Variants in RABGGTA observed in about 807,000 individuals in gnomAD.
RABGGTA encodes Rab geranylgeranyltransferase subunit alpha.
A neutral mutation model predicts 83.3 loss-of-function variants in RABGGTA; 69 were observed. The observed-to-expected ratio is 0.83, with a 90% CI of 0.68 to 1.01. The LOEUF (loss-of-function observed/expected upper bound fraction) is 1.01, where lower values mean the gene tolerates loss of function less well. Ranked by LOEUF, RABGGTA falls within the 50% of genes least tolerant of loss-of-function variation. RABGGTA has a pLI of 0.00. For missense variants in RABGGTA, 681 were observed against 712.7 expected, an observed-to-expected ratio of 0.96 and a Z score of 0.51; for synonymous variants, 310 against 299.8, an observed-to-expected ratio of 1.03 and a Z score of -0.35.
At chr14:24,267,008 C>T (rs1483202119) in intron 14 of RABGGTA, 119 bp from the exon 15 acceptor site, 8 of 720,658 alleles carry the variant, frequency 1.1e-5, no homozygotes, top group Admixed American at 4.4e-5. Context: ...GGGACCCCAG[C>T]CAAGAAGAGG....
chr14:24,267,860 C>T lies in RABGGTA; in HGVS notation c.1236+10G>A, dbSNP rs750482140. ...GCCTCCCCCTGGTCTGTTCTGCAGA[C>T]AGAACTTGCCTTGAGGGTCTGGAAG... On this transcript the variant is annotated intron_variant, in intron 13 of 16. Transcript: ENST00000216840. 1.1e-5 allele frequency: 17 copies of T among 1,613,232 alleles called. No individual in the cohort carries two copies. The South Asian group carries it at 1.4e-4, about 14-fold the overall frequency.
At position 24,269,135 on chromosome 14, in the gene RABGGTA, G is replaced by A; in HGVS notation, c.660C>T (p.Phe220=). The A allele has an allele frequency of 1.9e-6, 3 of 1,612,046 alleles. No homozygotes were observed. Among genetic ancestry groups the A allele is most frequent in the East Asian group, 2.2e-5 (1 of 44,864 alleles). Residue 220 remains phenylalanine, a synonymous_variant, in exon 7 of 17, where the codon TTC becomes TTT. Transcript: ENST00000216840. The stretch of plus-strand genomic sequence containing the variant: ...AGGCACTCTGGTCATTGGGGTCAGT[G>A]AAGAAGGCATTCTGCACCAGCTCCA... The part of the protein sequence containing the change: ...KELELVQNAF[F]TDPNDQSAWF...
intron 3 of RABGGTA, 42 bp downstream of exon 3, chr14:24,270,795 A>G: frequency 6.3e-7 from 1 of 1,596,186 alleles, no homozygotes; most frequent in East Asian, 2.3e-5. Flanking sequence ...GCACTATACT[A>G]AGGGAGCTAC....
rs1217347018 is a variant in RABGGTA at position 24,270,160 on chromosome 14, G to GT, written c.240-21_240-20insA. 1.3e-6 allele frequency: 2 copies of GT among 1,592,628 alleles called. No individual in the cohort carries two copies. Among genetic ancestry groups the GT allele is most frequent in the African/African-American group, 1.3e-5 (1 of 74,338 alleles). Reference sequence around the variant, plus strand: ...GGAGACCTGTACCCAGAAGGGAAGGGGGGGGTCAGGGCTCTCCTACAGTCA... The same window carrying GT: ...GGAGACCTGTACCCAGAAGGGAAGGGTGGGGGTCAGGGCTCTCCTACAGTCA... On this transcript the variant is annotated intron_variant, in intron 4 of 16. Transcript: ENST00000216840.
chr14:24,269,495 G>A lies in RABGGTA; in HGVS notation c.627C>T (p.Leu209=), dbSNP rs34861984. ...AGCATCCCTGACCCTGGTTACCTTT[G>A]AGCAGCACATCCTCAGGGAGGCGCC... ...PQGRLPEDVL[L]KELELVQNAF... is the part of the protein sequence containing the mutation. Residue 209 remains leucine, a synonymous_variant, in exon 6 of 17, where the codon CTC becomes CTT. Transcript: ENST00000216840. The A allele has an allele frequency of 3.3e-3, 5,208 of 1,579,280 alleles. 146 individuals carry two copies. The African/African-American group carries it at 0.061, about 19-fold the overall frequency.
At chr14:24,268,675 ACCCAGCCCTGC>A (rs773686718) in intron 9 of RABGGTA, 39 bp downstream of exon 9, 19 of 1,604,140 alleles carry the variant, frequency 1.2e-5, no homozygotes, top group African/African-American at 6.7e-5. Flanking sequence ...TGACTGTCCC[ACCCAGCCCTGC>A]CCCAGACCCC....
At chr14:24,270,532 C>T (rs1030833255) in intron 3 of RABGGTA, 74 bp from the exon 4 acceptor site, 3 of 1,562,034 alleles carry the variant, frequency 1.9e-6, no homozygotes, top group Middle Eastern at 1.7e-4. Flanking sequence ...AAACTTAAAA[C>T]CATCCAATAT....
In RABGGTA at chr14:24,266,382, G is replaced by A. The variant is rs778734124; in HGVS notation, c.1555+48C>T. On this transcript the variant is annotated intron_variant, in intron 16 of 16. Coordinates refer to ENST00000216840, the MANE Select transcript of RABGGTA (RefSeq NM_182836.3). ...CTGCTGTCTGTCCCTTCCCAGGGTG[G>A]CACCTCACTTTACCCACTGTCTGAA... is the stretch of plus-strand genomic sequence containing the variant. 2.6e-6 allele frequency: 4 copies of A among 1,551,244 alleles called. No homozygotes were observed. The Admixed American group carries it at 6.7e-5, about 26-fold the overall frequency.
intron 13 of RABGGTA, 31 bp from the exon 14 acceptor site, chr14:24,267,807 T>G: frequency 6.2e-7 from 1 of 1,610,066 alleles, no homozygotes; most frequent in Non-Finnish European, 8.5e-7. Flanking sequence ...AGGGTATGCA[T>G]GTCAGCTGCC....
At chr14:24,271,036 C>G (rs2040942533) in intron 2 of RABGGTA, 77 bp downstream of exon 2, 1 of 1,590,128 alleles carries the variant, frequency 6.3e-7, no homozygotes, top group African/African-American at 1.3e-5. Flanking sequence ...TAGGTTCATA[C>G]GGGGCAACCA....
Position 24,268,100 on chromosome 14 carries a change from G to A in RABGGTA, c.1147+10C>T. The A allele has an allele frequency of 1.2e-6, 2 of 1,613,674 alleles. No homozygotes were observed. Among genetic ancestry groups the A allele is most frequent in the Non-Finnish European group, 1.7e-6 (2 of 1,179,678 alleles). On this transcript the variant is annotated intron_variant, in intron 12 of 16. Coordinates refer to ENST00000216840, the MANE Select transcript of RABGGTA (RefSeq NM_182836.3). ...CTCTGGGAGCAGACTCTCACGGAAT[G>A]GGGCCTCACATTTATTCTCAGGCTC...
At chr14:24,266,953 C>A in intron 14 of RABGGTA, 64 bp from the exon 15 acceptor site, 2 of 1,228,954 alleles carry the variant, frequency 1.6e-6, no homozygotes, top group South Asian at 2.5e-5. Context: ...GGGTCCTCGG[C>A]CAGCATTTAT....
rs1191462464 is a variant in RABGGTA, at chr14:24,268,424, G to C, written c.1007-4C>G. The C allele has an allele frequency of 6.2e-7, 1 of 1,613,662 alleles. No individual in the cohort carries two copies. Among genetic ancestry groups the C allele is most frequent in the Admixed American group, 1.7e-5 (1 of 60,014 alleles). On this transcript the variant is annotated splice_region_variant and splice_polypyrimidine_tract_variant and intron_variant, in intron 10 of 16. Transcript: ENST00000216840. ...CGGCACCAGCCCTCCTGGCGGCCTG[G>C]GGAAAGAGTAGGTGGTTGGAGGGTG...
Position 24,265,614 on chromosome 14 carries a change from C to T in RABGGTA, c.*1G>A. On this transcript the variant is annotated 3_prime_UTR_variant, in exon 17 of 17. Coordinates refer to ENST00000216840, the MANE Select transcript of RABGGTA (RefSeq NM_182836.3). ...AGGGCAAGGGTAGGGGGCAGGGCCT[C>T]TTAGGTGAGGACGCTGCTAACTGAA... The T allele has an allele frequency of 6.2e-7, 1 of 1,613,322 alleles. No homozygotes were observed. Among genetic ancestry groups the T allele is most frequent in the Non-Finnish European group, 8.5e-7 (1 of 1,179,612 alleles).
rs1264444327 is a variant in RABGGTA at position 24,268,189 on chromosome 14, C to A, written c.1068G>T (p.Leu356=). The A allele has an allele frequency of 6.2e-7, 1 of 1,611,912 alleles. No individual in the cohort carries two copies. Among genetic ancestry groups the A allele is most frequent in the Non-Finnish European group, 8.5e-7 (1 of 1,178,470 alleles). The change falls in exon 12 of 17, where the codon CTG becomes CTT. Residue 356 remains leucine, a synonymous_variant. Coordinates refer to ENST00000216840, the MANE Select transcript of RABGGTA (RefSeq NM_182836.3). ...GCAGCACTGTGGACTTCTCCACTGA[C>A]AGCTCACACCTGAGGGTGGGCAGGG... The part of the protein sequence containing the change: ...TTDEQLFRCE[L]SVEKSTVLQS...
chr14:24,269,698 G>A lies in RABGGTA; in HGVS notation c.428-4C>T. On this transcript the variant is annotated splice_region_variant and splice_polypyrimidine_tract_variant and intron_variant, in intron 5 of 16. Coordinates refer to ENST00000216840, the MANE Select transcript of RABGGTA (RefSeq NM_182836.3). ...CGCCGATAGTCCCAGCAGTGAACTG[G>A]AGGGGAGAGGTGACAGCATATCTTA... is the stretch of plus-strand genomic sequence containing the variant. 6.2e-7 allele frequency: 1 copy of A among 1,613,664 alleles called. No homozygotes were observed. The highest frequency in any genetic ancestry group is 8.5e-7 in the Non-Finnish European group (1 of 1,179,610).
In RABGGTA at chr14:24,269,603, T is replaced by G. The variant is rs764730879; in HGVS notation, c.519A>C (p.Arg173=). The G allele has an allele frequency of 1.5e-5, 24 of 1,613,798 alleles. No homozygotes were observed. The highest frequency in any genetic ancestry group is 2.0e-5 in the Non-Finnish European group (24 of 1,179,734). ...GCCAGGAAGAGTAGTTGGAGAAGTT[T>G]CGGGTGATGAGGCTGTCAGTGAAGG... is the stretch of plus-strand genomic sequence containing the variant. ...ELAFTDSLIT[R]NFSNYSSWHY... Residue 173 remains arginine (R), a synonymous_variant, in exon 6 of 17, where the codon CGA becomes CGC. Coordinates refer to ENST00000216840, the MANE Select transcript of RABGGTA (RefSeq NM_182836.3).
chr14:24,270,029 T>A lies in RABGGTA; in HGVS notation c.351A>T (p.Leu117=). 2 of 1,613,504 alleles carry A rather than the reference T, an allele frequency of 1.2e-6. No homozygotes were observed. The highest frequency in any genetic ancestry group is 1.7e-6 in the Non-Finnish European group (2 of 1,179,718). Residue 117 remains leucine (L), a synonymous_variant, in exon 5 of 17, where the codon CTA becomes CTT. Transcript: ENST00000216840. ...YGTWHHRCWL[L]GRLPEPNWTR... ...TCCAGTTGGGCTCAGGCAGGCGGCCTAGCAGCCAGCATCGGTGGTGCCAGG... is the reference window on the plus strand; with the variant it reads ...TCCAGTTGGGCTCAGGCAGGCGGCCAAGCAGCCAGCATCGGTGGTGCCAGG...
chr14:24,267,002 C>T (rs2040882531), intron 14 of RABGGTA, 113 bp from the exon 15 acceptor site: 2 of 759,180 alleles, frequency 2.6e-6, no homozygotes, highest in African/African-American at 3.5e-5. Context: ...CCCTTGGGGA[C>T]CCCAGCCAAG....
Sources: gnomAD v4.1 joint callset for allele counts on GRCh38, gnomAD v4.1.1 for gene constraint, MANE v1.5 for transcripts, NCBI Gene and HGNC (gene_info 2026-07-23, HGNC 2026-07-21) for gene names.